Variants in XYLB observed in about 807,000 individuals in gnomAD.
XYLB encodes the protein xylulose kinase.
In XYLB, 62 loss-of-function variants were observed where a neutral mutation model predicts 78.7. That is an observed-to-expected ratio of 0.79 (90% CI 0.64 to 0.97). XYLB has a LOEUF of 0.97. XYLB is among the 50% of genes least tolerant of loss of function. The pLI is 0.00. For synonymous variants in XYLB, 245 were observed against 247.4 expected (o/e 0.99, Z 0.09); for missense variants, 687 against 676.8 (o/e 1.02, Z -0.17).
At chr3:38,389,503 A>G (rs1246910532) in intron 15 of XYLB, among the ~76,000 whole-genome samples, 3 of 151,958 alleles carry the variant, frequency 2.0e-5, no homozygotes, top group Non-Finnish European at 2.9e-5. Context: ...GGGGCTCCTC[A>G]CTTCCCAGAA....
downstream of XYLB, among the ~76,000 whole-genome samples, chr3:38,415,514 G>A (rs1708759408): frequency 6.6e-6 from 1 of 152,206 alleles, no homozygotes; most frequent in Non-Finnish European, 1.5e-5. Flanking sequence ...TGGGAATGGT[G>A]GCTCATGTCT....
the XYLB span, among the ~76,000 whole-genome samples, chr3:38,450,371 A>G: frequency 6.6e-6 from 1 of 152,256 alleles, no homozygotes. Flanking sequence ...ACAATGCTAT[A>G]GTTTTCCATC....
At chr3:38,391,952 T>C (rs1359236088) in intron 15 of XYLB, among the ~76,000 whole-genome samples, 4 of 152,248 alleles carry the variant, frequency 2.6e-5, no homozygotes, top group Non-Finnish European at 5.9e-5. Flanking sequence ...CCATGCCTGC[T>C]GTGGGAGCTC....
intron 4 of XYLB, 60 bp downstream of exon 4, chr3:38,363,077 G>C: frequency 7.4e-7 from 1 of 1,346,102 alleles, no homozygotes; most frequent in Non-Finnish European, 9.7e-7. Flanking sequence ...CAATGGTGTG[G>C]GTGTTGAAGA....
chr3:38,421,669 C>G (rs750164237), downstream of XYLB, among the ~76,000 whole-genome samples: 15 of 152,102 alleles, frequency 9.9e-5, no homozygotes, highest in Admixed American at 9.8e-4. Flanking sequence ...CACCTTGGAG[C>G]CTTTCCACAC....
At chr3:38,412,136 A>C (rs1422430488) in intron 18 of XYLB, among the ~76,000 whole-genome samples, 1 of 151,930 alleles carries the variant, frequency 6.6e-6, no homozygotes. Flanking sequence ...GATTACAGGC[A>C]CCTGCCACCA....
At chr3:38,402,639 AG>A (rs1193072121) in intron 18 of XYLB, among the ~76,000 whole-genome samples, 1 of 152,246 alleles carries the variant, frequency 6.6e-6, no homozygotes, top group African/African-American at 2.4e-5. Flanking sequence ...CCTTGTCTCC[AG>A]ACCTCTGTTT....
chr3:38,365,082 G>A (rs1016020014), intron 4 of XYLB, 117 bp from the exon 5 acceptor site: 151 of 822,478 alleles, frequency 1.8e-4, no homozygotes, highest in Non-Finnish European at 2.9e-4. Flanking sequence ...CTAAGAAGTG[G>A]CAGGGGCAGG....
At chr3:38,359,142 A>G (rs1004472792) in intron 2 of XYLB, among the ~76,000 whole-genome samples, 3 of 152,258 alleles carry the variant, frequency 2.0e-5, no homozygotes, top group African/African-American at 7.2e-5. Flanking sequence ...TTGTTTCTAA[A>G]GATTATAGAT....
At chr3:38,416,686 A>G (rs191641676), downstream of XYLB, among the ~76,000 whole-genome samples, 1 of 152,350 alleles carries the variant, frequency 6.6e-6, no homozygotes, top group Admixed American at 6.5e-5. Context: ...CAGTATCCAT[A>G]TCTGAAAAGG....
the XYLB span, among the ~76,000 whole-genome samples, chr3:38,445,923 T>C: frequency 6.6e-6 from 1 of 152,194 alleles, no homozygotes; most frequent in Non-Finnish European, 1.5e-5. Context: ...CCCTTCTTGG[T>C]CACCAAGAAG....
chr3:38,446,538 C>G, the XYLB span, among the ~76,000 whole-genome samples: 1 of 152,074 alleles, frequency 6.6e-6, no homozygotes, highest in Non-Finnish European at 1.5e-5. Context: ...GATGTATTAA[C>G]AAAAATAGCA....
chr3:38,365,507 G>A (rs1706205271), intron 5 of XYLB, 101 bp from the exon 6 acceptor site: 2 of 1,528,236 alleles, frequency 1.3e-6, no homozygotes, highest in African/African-American at 2.8e-5. Flanking sequence ...CTGGGAAGAA[G>A]CGTCATGACT....
chr3:38,376,829 G>A lies in XYLB; in HGVS notation c.1121-89G>A, dbSNP rs1706881197. On this transcript the variant is annotated intron_variant, in intron 13 of 18. Coordinates refer to ENST00000207870, the MANE Select transcript of XYLB (RefSeq NM_005108.4). ...AGAGCCAGGGGACCCAGGGATATGG[G>A]GTCATTTTGTCCTGTTCTAAGTCTG... is the stretch of plus-strand genomic sequence containing the variant. 7 of 1,098,200 alleles carry A rather than the reference G, an allele frequency of 6.4e-6. No homozygotes were observed. In the South Asian group the frequency reaches 6.9e-5, roughly 11 times the overall value. 68.0% of individuals were successfully genotyped at this position (1,098,200 alleles called of 1,614,324 possible). A position where few individuals can be genotyped will look rare whatever the true frequency, so the allele number is the denominator to read the frequency against.
chr3:38,391,832 A>G (rs1033289788), intron 15 of XYLB, among the ~76,000 whole-genome samples: 22 of 152,172 alleles, frequency 1.4e-4, no homozygotes, highest in Non-Finnish European at 1.9e-4. Flanking sequence ...ATACGGGACG[A>G]TCCCTCACAA....
chr3:38,391,120 G>A (rs537271519), intron 15 of XYLB, among the ~76,000 whole-genome samples: 2 of 152,150 alleles, frequency 1.3e-5, no homozygotes, highest in African/African-American at 4.8e-5. Flanking sequence ...AGGCTGAGGC[G>A]GGAGAATCAC....
At chr3:38,406,936 G>T (rs1414133451) in intron 18 of XYLB, among the ~76,000 whole-genome samples, 2 of 151,644 alleles carry the variant, frequency 1.3e-5, no homozygotes, top group Non-Finnish European at 1.5e-5. Flanking sequence ...CGGGGAGAAT[G>T]GAACCAAGTT....
At chr3:38,356,488 C>G (rs1030080994) in intron 2 of XYLB, 2 of 152,204 alleles carry the variant, frequency 1.3e-5, no homozygotes, top group African/African-American at 4.8e-5. Flanking sequence ...AATCAACTCT[C>G]TATCTCTGGA....
At chr3:38,450,582 TG>T in the XYLB span, among the ~76,000 whole-genome samples, 4 of 152,226 alleles carry the variant, frequency 2.6e-5, no homozygotes, top group Non-Finnish European at 4.4e-5. Context: ...TTTCAGTTTT[TG>T]GTCACCCGAT....
Sources: gnomAD v4.1 joint callset for allele counts (sites outside exome capture counted in the v4.1 genomes callset) on GRCh38, gnomAD v4.1.1 for gene constraint, MANE v1.5 for transcripts, NCBI Gene and HGNC (gene_info 2026-07-23, HGNC 2026-07-21) for gene names.